The following LRFN1 variants were observed in gnomAD, a reference collection of about 807,000 sequenced individuals.
LRFN1 encodes the protein leucine-rich repeat and fibronectin type III domain-containing protein 1.
In LRFN1, 20 loss-of-function variants were observed where a neutral mutation model predicts 31.8. That is an observed-to-expected ratio of 0.63 (90% confidence interval 0.44 to 0.91). The LOEUF (loss-of-function observed/expected upper bound fraction) is 0.91, where lower values mean the gene tolerates loss of function less well. Ranked by LOEUF, LRFN1 falls within the 40% of genes least tolerant of loss-of-function variation. LRFN1 has a pLI of 0.00. For missense variants in LRFN1, 912 were observed against 1,129.8 expected, an observed-to-expected ratio of 0.81 and a Z score of 2.76; for synonymous variants, 514 against 541.3, an observed-to-expected ratio of 0.95 and a Z score of 0.70.
At chr19:39,316,946 A>G (rs1268293433) in intron 2 of LRFN1, among the ~76,000 whole-genome samples, 1 of 152,128 alleles carries the variant, frequency 6.6e-6, no homozygotes, top group African/African-American at 2.4e-5. Flanking sequence ...GTTTGGGGCT[A>G]CGGCCTTAGG....
rs144782480 is a variant in LRFN1, at chr19:39,307,432, G to A, written c.*201C>T. Reference sequence around the variant, plus strand: ...CATAGGGGAAGGGAGGCCGGCAGCCGGTCCCCGAACCCCGCCCTGGGCACG... The same window carrying A: ...CATAGGGGAAGGGAGGCCGGCAGCCAGTCCCCGAACCCCGCCCTGGGCACG... On this transcript the variant is annotated 3_prime_UTR_variant, in exon 5 of 5. Coordinates refer to ENST00000248668, the MANE Select transcript of LRFN1 (RefSeq NM_020862.2). This position sits in a 1 kb window ranked among gnomAD's most constrained non-coding sequence, Gnocchi z 6.7. The A allele has an allele frequency of 9.2e-4, 447 of 484,868 alleles. 1 individual carries two copies. The highest frequency in any genetic ancestry group is 8.4e-3 in the African/African-American group (418 of 49,812). 30.0% of individuals were successfully genotyped at this position (484,868 alleles called of 1,614,324 possible). A position where few individuals can be genotyped will look rare whatever the true frequency, so the allele number is the denominator to read the frequency against.
rs563235654 is a variant in LRFN1, at chr19:39,315,868, C to G, written c.-38+214G>C. ...TCTCTATACTGGTTGATAGAATACCCCTGTCCCTACTTGCGTGTCCCACCC... is the reference window on the plus strand; with the variant it reads ...TCTCTATACTGGTTGATAGAATACCGCTGTCCCTACTTGCGTGTCCCACCC... On this transcript the variant is annotated intron_variant, in intron 3 of 4. Transcript: ENST00000248668. This position sits in a 1 kb window ranked among gnomAD's most constrained non-coding sequence, Gnocchi z 4.7. Among the ~76,000 whole-genome samples the G allele has an allele frequency of 4.1e-4, 63 of 152,200 alleles. 3 individuals are homozygous for G. In the South Asian group the frequency reaches 0.012, roughly 29 times the overall value.
In LRFN1 at chr19:39,308,103, C is replaced by T; in HGVS notation, c.1846G>A (p.Ala616Thr). ...TTGGCCTCGACGGCGACGGCGGGGG[C>T]AGCCTGGGACTCCACCTCGCGCAGC... Reference protein sequence around the residue: ...EALREVESQAAPAVAVEAKAM... With the variant: ...EALREVESQATPAVAVEAKAM... The change falls in exon 5 of 5, where the codon GCC (alanine) becomes ACC (threonine). Residue 616 changes from alanine to threonine, a missense_variant. Ala to Thr is a moderately conservative substitution (Grantham distance 58). Coordinates refer to ENST00000248668, the MANE Select transcript of LRFN1 (RefSeq NM_020862.2). The surrounding 1 kb of genome is among the most constrained non-coding windows in gnomAD (Gnocchi z 6.2). The T allele has an allele frequency of 2.0e-6, 3 of 1,496,492 alleles. No individual in the cohort carries two copies. Among genetic ancestry groups the T allele is most frequent in the South Asian group, 1.4e-5 (1 of 73,752 alleles). 92.7% of individuals were successfully genotyped at this position (1,496,492 alleles called of 1,614,324 possible).
In LRFN1 at chr19:39,308,833, A is replaced by G. The variant is rs764317553; in HGVS notation, c.1407-291T>C. ...CTCCTCTGCATATCCCGGCCCCTGC[A>G]GGGGAGAAGTGCTATGGCTTTTAAG... On this transcript the variant is annotated intron_variant, in intron 4 of 4. Coordinates refer to ENST00000248668, the MANE Select transcript of LRFN1 (RefSeq NM_020862.2). The surrounding 1 kb of genome is among the most constrained non-coding windows in gnomAD (Gnocchi z 6.2). 2.6e-5 allele frequency among the ~76,000 whole-genome samples: 4 copies of G among 152,168 alleles called. No homozygotes were observed. The highest frequency in any genetic ancestry group is 5.9e-5 in the Non-Finnish European group (4 of 68,036).
At position 39,315,259 on chromosome 19, in the gene LRFN1, C is replaced by G. The variant is rs745330795; in HGVS notation, c.78G>C (p.Ala26=). ...AALPFLLLLW[A]GASRGQPCPG... Reference sequence around the variant, plus strand: ...GGCAGGGCTGGCCACGAGATGCCCCCGCCCAGAGCAGCAGCAGAAAGGGCA... The same window carrying G: ...GGCAGGGCTGGCCACGAGATGCCCCGGCCCAGAGCAGCAGCAGAAAGGGCA... The change falls in exon 4 of 5, where the codon GCG becomes GCC. Residue 26 remains alanine (A), a synonymous_variant. Coordinates refer to ENST00000248668, the MANE Select transcript of LRFN1 (RefSeq NM_020862.2). This position sits in a 1 kb window ranked among gnomAD's most constrained non-coding sequence, Gnocchi z 4.7. 78 of 1,536,218 alleles carry G rather than the reference C, an allele frequency of 5.1e-5. No individual in the cohort carries two copies. The highest frequency in any genetic ancestry group is 6.5e-5 in the Non-Finnish European group (75 of 1,146,678).
chr19:39,309,681 C>A (rs1370034238), intron 4 of LRFN1, among the ~76,000 whole-genome samples: 1 of 152,080 alleles, frequency 6.6e-6, no homozygotes, highest in East Asian at 1.9e-4. Flanking sequence ...AGACTACAGG[C>A]CCTGCTCCTT....
chr19:39,320,651 C>T (rs1168525791), intron 1 of LRFN1, 142 bp downstream of exon 1: 3 of 151,530 alleles, frequency 2.0e-5, no homozygotes, highest in Non-Finnish European at 4.4e-5. Flanking sequence ...CACGCCGGCA[C>T]CGGGCACACA....
Position 39,307,040 on chromosome 19 carries a change from G to T in LRFN1, c.*593C>A, listed in dbSNP as rs1426710063. 5.6e-6 allele frequency: 2 copies of T among 354,056 alleles called. No homozygotes were observed. The highest frequency in any genetic ancestry group is 1.0e-5 in the Non-Finnish European group (2 of 198,076). 21.9% of individuals were successfully genotyped at this position (354,056 alleles called of 1,614,324 possible). On this transcript the variant is annotated 3_prime_UTR_variant, in exon 5 of 5. Coordinates refer to ENST00000248668, the MANE Select transcript of LRFN1 (RefSeq NM_020862.2). The surrounding 1 kb of genome is among the most constrained non-coding windows in gnomAD (Gnocchi z 6.7). ...GAGGGACAAGAGACGACAGGACAGAGAGAAAGGAGAGGCAAATAGGGAAAG... is the reference window on the plus strand; with the variant it reads ...GAGGGACAAGAGACGACAGGACAGATAGAAAGGAGAGGCAAATAGGGAAAG...
At chr19:39,312,312 T>C (rs2145032959) in intron 4 of LRFN1, among the ~76,000 whole-genome samples, 1 of 151,610 alleles carries the variant, frequency 6.6e-6, no homozygotes, top group East Asian at 2.0e-4. Flanking sequence ...GAGCTGGGGC[T>C]CTCCACAGGT....
At position 39,314,491 on chromosome 19, in the gene LRFN1, G is replaced by C; in HGVS notation, c.846C>G (p.Thr282=). The change falls in exon 4 of 5, where the codon ACC becomes ACG. Residue 282 remains threonine, a synonymous_variant. Transcript: ENST00000248668. ...CGGGGATGGACCAGAAGTAGCGGTC[G>C]GTGAGGTGTTCGGGCGTGGCGCAGG... ...LETCATPEHL[T]DRYFWSIPEE... 6.2e-7 allele frequency: 1 copy of C among 1,610,550 alleles called. No individual in the cohort carries two copies. Among genetic ancestry groups the C allele is most frequent in the Non-Finnish European group, 8.5e-7 (1 of 1,179,160 alleles).
intron 4 of LRFN1, among the ~76,000 whole-genome samples, chr19:39,312,996 C>T (rs762861019): frequency 6.6e-6 from 1 of 151,562 alleles, no homozygotes; most frequent in East Asian, 1.9e-4. Flanking sequence ...CTGTGCCTAA[C>T]GAGGGCAGAG....
At position 39,315,606 on chromosome 19, in the gene LRFN1, G is replaced by C. The variant is rs1210793712; in HGVS notation, c.-37-233C>G. ...GGCCGAGGCAGGCGGATCACCTGAG[G>C]TCAGGAGTTCAAGACCAGCCTGGCC... On this transcript the variant is annotated intron_variant, in intron 3 of 4. Coordinates refer to ENST00000248668, the MANE Select transcript of LRFN1 (RefSeq NM_020862.2). The surrounding 1 kb of genome is among the most constrained non-coding windows in gnomAD (Gnocchi z 4.7). 6.6e-6 allele frequency among the ~76,000 whole-genome samples: 1 copy of C among 152,082 alleles called. No homozygotes were observed. Among genetic ancestry groups the C allele is most frequent in the Admixed American group, 6.5e-5 (1 of 15,276 alleles).
chr19:39,319,129 G>C (rs1488586536), intron 1 of LRFN1, among the ~76,000 whole-genome samples: 2 of 152,132 alleles, frequency 1.3e-5, no homozygotes, highest in African/African-American at 4.8e-5. Flanking sequence ...ATACCCTCAA[G>C]GTTGACACAC....
intron 2 of LRFN1, among the ~76,000 whole-genome samples, chr19:39,318,090 C>T (rs781333066): frequency 1.3e-5 from 2 of 152,184 alleles, no homozygotes; most frequent in Non-Finnish European, 2.9e-5. Context: ...CTGAAACCCC[C>T]CACCTGCTCC....
intron 2 of LRFN1, among the ~76,000 whole-genome samples, chr19:39,316,784 C>T (rs1251860132): frequency 1.3e-5 from 2 of 152,120 alleles, no homozygotes; most frequent in African/African-American, 4.8e-5. Context: ...CCCCCTGCGG[C>T]GGCTGCAGCC....
intron 1 of LRFN1, among the ~76,000 whole-genome samples, chr19:39,319,941 A>C (rs2075182661): frequency 6.6e-6 from 1 of 152,124 alleles, no homozygotes; most frequent in South Asian, 2.1e-4. Flanking sequence ...GGATGGAGGT[A>C]ACTCTGGCTC....
intron 4 of LRFN1, among the ~76,000 whole-genome samples, chr19:39,311,496 T>C (rs1356121292): frequency 6.6e-6 from 1 of 152,132 alleles, no homozygotes; most frequent in Non-Finnish European, 1.5e-5. Flanking sequence ...CAGAAATATA[T>C]TATCCATCTC....
Position 39,308,148 on chromosome 19 carries a change from CCGGCAGGG to C in LRFN1, c.1793_1800del (p.Ala598GlyfsTer359). The C allele has an allele frequency of 6.5e-7, 1 of 1,540,678 alleles. No individual in the cohort carries two copies. Among genetic ancestry groups the C allele is most frequent in the Non-Finnish European group, 8.7e-7 (1 of 1,145,736 alleles). The stretch of plus-strand genomic sequence containing the variant: ...CGCAGCGCCTCGTAGTGGTCCTGGG[CCGGCAGGG>C]CCGGGGCCTGTGCCGCGCCTGTGCC... On this transcript the variant is annotated frameshift_variant, in exon 5 of 5. Transcript: ENST00000248668. LOFTEE classifies it high-confidence loss of function. This position sits in a 1 kb window ranked among gnomAD's most constrained non-coding sequence, Gnocchi z 6.2.
At position 39,307,938 on chromosome 19, in the gene LRFN1, T is replaced by C; in HGVS notation, c.2011A>G (p.Arg671Gly). The change falls in exon 5 of 5, where the codon AGG becomes GGG. Residue 671 changes from arginine (R) to glycine (G), a missense_variant. Around this residue, in one of 2 missense-constraint regions of LRFN1, gnomAD observed 511 missense variants for 557.0 expected, o/e 0.92. Coordinates refer to ENST00000248668, the MANE Select transcript of LRFN1 (RefSeq NM_020862.2). The surrounding 1 kb of genome is among the most constrained non-coding windows in gnomAD (Gnocchi z 6.7). ...EESRAAVGPR[R>G]SRSGALEPPT... ...GGCTCCAGGGCGCCGGATCGGCTCC[T>C]TCGAGGGCCCACCGCGGCCCGAGAC... The C allele has an allele frequency of 6.4e-7, 1 of 1,563,740 alleles. No homozygotes were observed. Among genetic ancestry groups the C allele is most frequent in the Non-Finnish European group, 8.6e-7 (1 of 1,163,384 alleles).
Sources: gnomAD v4.1 joint callset for allele counts (sites outside exome capture counted in the v4.1 genomes callset) on GRCh38, gnomAD v4.1.1 for gene constraint, gnomAD v4.1.1 regional missense constraint, Gnocchi (gnomAD v3.1) non-coding constraint, MANE v1.5 for transcripts, NCBI Gene and HGNC (gene_info 2026-07-23, HGNC 2026-07-21) for gene names.